The following IMMP1L variants were observed in gnomAD, a reference collection of about 807,000 sequenced individuals.
IMMP1L encodes the protein mitochondrial inner membrane protease subunit 1.
Under a neutral mutation model 21.8 loss-of-function variants are expected in IMMP1L, and 24 were observed. That is an observed-to-expected ratio of 1.10 (90% CI 0.80 to 1.55). The LOEUF is 1.55. Ranked by LOEUF, IMMP1L falls within the 40% of genes most tolerant of loss-of-function variation. The pLI is 0.00. For synonymous variants in IMMP1L, 46 were observed against 62.8 expected (o/e 0.73, Z 1.26); for missense variants, 195 against 200.7 (o/e 0.97, Z 0.17).
intron 1 of IMMP1L, among the ~76,000 whole-genome samples, chr11:31,479,447 T>C (rs1405224923): frequency 6.6e-6 from 1 of 152,052 alleles, no homozygotes; most frequent in African/African-American, 2.4e-5. Context: ...GAATATTCTT[T>C]GGTTACCTTG....
intron 1 of IMMP1L, among the ~76,000 whole-genome samples, chr11:31,492,828 G>C (rs768729877): frequency 1.3e-4 from 20 of 152,116 alleles, no homozygotes; most frequent in Non-Finnish European, 2.4e-4. Context: ...TTCTTACATG[G>C]GCACGGTTTC....
intron 1 of IMMP1L, among the ~76,000 whole-genome samples, chr11:31,483,240 T>G (rs987493578): frequency 1.3e-5 from 2 of 152,170 alleles, no homozygotes; most frequent in Non-Finnish European, 2.9e-5. Context: ...GCTGGTTATA[T>G]GGGTGTATTT....
intron 1 of IMMP1L, among the ~76,000 whole-genome samples, chr11:31,482,954 AAAT>A (rs1382283664): frequency 6.6e-6 from 1 of 152,072 alleles, no homozygotes; most frequent in Non-Finnish European, 1.5e-5. Flanking sequence ...TAGAATGGAT[AAAT>A]AATAGTTATA....
At chr11:31,505,681 C>A (rs1955754752) in intron 1 of IMMP1L, among the ~76,000 whole-genome samples, 1 of 152,166 alleles carries the variant, frequency 6.6e-6, no homozygotes, top group African/African-American at 2.4e-5. Context: ...TCTCCTTCCT[C>A]CCCTCCCACC....
At chr11:31,508,613 A>G (rs1251762008) in intron 1 of IMMP1L, among the ~76,000 whole-genome samples, 1 of 152,230 alleles carries the variant, frequency 6.6e-6, no homozygotes, top group African/African-American at 2.4e-5. Flanking sequence ...AAAAATTTCA[A>G]CAGGTCAGTG....
intron 1 of IMMP1L, among the ~76,000 whole-genome samples, chr11:31,491,348 A>C (rs1955250126): frequency 1.3e-5 from 2 of 152,188 alleles, no homozygotes; most frequent in African/African-American, 4.8e-5. Flanking sequence ...ATGTTGACAG[A>C]AATAGGAACA....
chr11:31,441,285 G>A (rs907402426), intron 4 of IMMP1L, among the ~76,000 whole-genome samples: 1 of 150,260 alleles, frequency 6.7e-6, no homozygotes, highest in African/African-American at 2.4e-5. Context: ...CAGGTTGGGG[G>A]AGCTTGTTGA....
intron 1 of IMMP1L, among the ~76,000 whole-genome samples, chr11:31,497,525 G>A (rs570057082): frequency 4.2e-4 from 63 of 148,822 alleles, no homozygotes; most frequent in Non-Finnish European, 5.8e-4. Context: ...GCAGTGGTGC[G>A]ATCTCCGCTC....
At chr11:31,485,461 G>C (rs796666680) in intron 1 of IMMP1L, among the ~76,000 whole-genome samples, 7 of 151,932 alleles carry the variant, frequency 4.6e-5, no homozygotes, top group African/African-American at 1.7e-4. Flanking sequence ...AAATCAGTCG[G>C]TCAGACAGAA....
At chr11:31,472,528 C>T (rs1024764302) in intron 1 of IMMP1L, among the ~76,000 whole-genome samples, 8 of 152,066 alleles carry the variant, frequency 5.3e-5, no homozygotes, top group African/African-American at 1.9e-4. Context: ...ACCATGTGTG[C>T]TGTGAAAAAA....
intron 5 of IMMP1L, among the ~76,000 whole-genome samples, chr11:31,433,108 T>C (rs1270549808): frequency 6.6e-6 from 1 of 152,222 alleles, no homozygotes; most frequent in Non-Finnish European, 1.5e-5. Context: ...ACTTTACAGG[T>C]AGTTTGAATC....
chr11:31,446,421 CCTGCTTGAAACATAAAAGGAA>C (rs939494774), intron 4 of IMMP1L, among the ~76,000 whole-genome samples: 2 of 152,112 alleles, frequency 1.3e-5, no homozygotes, highest in Non-Finnish European at 2.9e-5. Context: ...ATGTTATTCC[CCTGCTTGAAACATAAAAGGAA>C]CTGAGCCTTG....
chr11:31,500,611 A>AC (rs369555202), intron 1 of IMMP1L, among the ~76,000 whole-genome samples: 58,019 of 140,874 alleles, frequency 0.41, 11,832 homozygotes, highest in African/African-American at 0.51. Flanking sequence ...ACACACACAC[A>AC]AACACACACA....
chr11:31,432,509 A>C lies in IMMP1L; in HGVS notation c.492T>G (p.Ser164=). 6.2e-7 allele frequency: 1 copy of C among 1,610,916 alleles called. No homozygotes were observed. Among genetic ancestry groups the C allele is most frequent in the South Asian group, 1.1e-5 (1 of 90,980 alleles). The change falls in exon 6 of 6, where the codon TCT becomes TCG. Residue 164 remains serine, a synonymous_variant. Transcript: ENST00000532287. ...LRASPNGHRF[S]DD ...AAAGAATAAATGCTTACTAATCATC[A>C]GAAAATCTGTGGCCATTAGGGCTGG...
chr11:31,497,515 G>T (rs1380120887), intron 1 of IMMP1L, among the ~76,000 whole-genome samples: 2 of 147,268 alleles, frequency 1.4e-5, no homozygotes, highest in African/African-American at 5.0e-5. Context: ...AGACTGGAGT[G>T]CAGTGGTGCG....
intron 2 of IMMP1L, among the ~76,000 whole-genome samples, chr11:31,462,470 G>T (rs1184791005): frequency 6.6e-6 from 1 of 151,716 alleles, no homozygotes; most frequent in Non-Finnish European, 1.5e-5. Context: ...TGACTGGCTG[G>T]TCAATCAATT....
intron 1 of IMMP1L, among the ~76,000 whole-genome samples, chr11:31,473,305 T>A (rs1954629070): frequency 6.6e-6 from 1 of 152,140 alleles, no homozygotes; most frequent in Admixed American, 6.5e-5. Context: ...CGCCTCAGCC[T>A]CCCAAAGTGC....
At chr11:31,440,579 T>C (rs1953290228) in intron 4 of IMMP1L, among the ~76,000 whole-genome samples, 1 of 152,038 alleles carries the variant, frequency 6.6e-6, no homozygotes, top group African/African-American at 2.4e-5. Context: ...TTAGTAGAGA[T>C]GGGGTTTCAA....
At chr11:31,468,141 T>A (rs543119179) in intron 1 of IMMP1L, among the ~76,000 whole-genome samples, 1 of 152,112 alleles carries the variant, frequency 6.6e-6, no homozygotes, top group Non-Finnish European at 1.5e-5. Flanking sequence ...AATTGGATCC[T>A]GGAGCAAAAG....
Sources: allele counts gnomAD v4.1 joint callset (sites outside exome capture counted in the v4.1 genomes callset), GRCh38; gene constraint gnomAD v4.1.1; transcripts MANE v1.5; gene names NCBI Gene and HGNC (gene_info 2026-07-23, HGNC 2026-07-21).